FAT2: variants seen among roughly 807,000 people sequenced by gnomAD.
FAT2 encodes the protein protocadherin Fat 2.
Under a neutral mutation model 295.3 loss-of-function variants are expected in FAT2, and 150 were observed. The observed-to-expected ratio is 0.51, with a 90% confidence interval of 0.44 to 0.58. FAT2 has a LOEUF of 0.58. FAT2 is among the 20% of genes least tolerant of loss of function. The probability of loss-of-function intolerance (pLI) is 0.00; values close to 1 mark genes in which losing one functional copy is unlikely to be tolerated. For missense variants in FAT2, 4,868 were observed against 5,442.7 expected, an observed-to-expected ratio of 0.89 and a Z score of 3.32; for synonymous variants, 2,026 against 2,150.3, an observed-to-expected ratio of 0.94 and a Z score of 1.60.
rs369198826 is a variant in FAT2, at chr5:151,521,511, G to A, written c.11082C>T (p.Tyr3694=). The change falls in exon 19 of 24, where the codon TAC becomes TAT. Residue 3694 remains tyrosine (Y), a synonymous_variant. Coordinates refer to ENST00000261800, the MANE Select transcript of FAT2 (RefSeq NM_001447.3). ...TGATGGATGCTAGCTCCTGAAACTC[G>A]TAGAAGGTTCCAGAATGCCCCTCAA... ...LVFEGHSGTF[Y]EFQELASIIT... 20 of 1,614,080 alleles carry A rather than the reference G, an allele frequency of 1.2e-5. No individual in the cohort carries two copies. Among genetic ancestry groups the A allele is most frequent in the East Asian group, 8.9e-5 (4 of 44,890 alleles).
intron 3 of FAT2, among the ~76,000 whole-genome samples, chr5:151,562,481 G>C (rs1758060501): frequency 6.6e-6 from 1 of 152,150 alleles, no homozygotes; most frequent in East Asian, 1.9e-4. Context: ...GTGTCAATGA[G>C]GGACGCAGGC....
At chr5:151,549,239 C>A in intron 9 of FAT2, 56 bp downstream of exon 9, 1 of 1,540,542 alleles carries the variant, frequency 6.5e-7, no homozygotes, top group Non-Finnish European at 8.9e-7. Context: ...CTAGTGCTTT[C>A]CTTTATTTCT....
chr5:151,520,495 TAC>T (rs926835692), intron 19 of FAT2, among the ~76,000 whole-genome samples: 6 of 152,342 alleles, frequency 3.9e-5, no homozygotes, highest in African/African-American at 1.4e-4. Context: ...AGGTGACATC[TAC>T]ACAGAGTGTG....
Position 151,549,423 on chromosome 5 carries a change from C to T in FAT2, c.4661G>A (p.Arg1554His), listed in dbSNP as rs745892606. The T allele has an allele frequency of 2.5e-5, 41 of 1,613,994 alleles. No homozygotes were observed. The South Asian group carries it at 3.3e-4, about 13-fold the overall frequency. The change falls in exon 9 of 24, where the codon CGC (arginine) becomes CAC (histidine). Residue 1554 changes from arginine (R) to histidine (H), a missense_variant. This residue lies in a region of FAT2 where 3,297 missense variants were observed against 3,669.4 expected (regional missense o/e 0.90). Transcript: ENST00000261800. ...TGCCTCATAATGGAGCTGAGTGAAG[C>T]GGGGTGGGTGGAGGTTTCCATCCTC... The part of the protein sequence containing the change: ...HVEDGNLHPP[R>H]FTQLHYEASV...
intron 13 of FAT2, among the ~76,000 whole-genome samples, chr5:151,533,580 C>CA (rs1754909573): frequency 6.6e-6 from 1 of 152,136 alleles, no homozygotes; most frequent in South Asian, 2.1e-4. Flanking sequence ...CTGCTGGTGT[C>CA]AAACAGAGCA....
chr5:151,534,431 T>A lies in FAT2; in HGVS notation c.9405A>T (p.Val3135=). The part of the protein sequence containing the change: ...NTTVKTPVAV[V]FARDPDQGAN... Reference sequence around the variant, plus strand: ...CACCTTGGTCGGGATCCCGGGCAAATACTACAGCCACAGGGGTCTTCACTG... The same window carrying A: ...CACCTTGGTCGGGATCCCGGGCAAAAACTACAGCCACAGGGGTCTTCACTG... The change falls in exon 13 of 24, where the codon GTA becomes GTT. Residue 3135 remains valine, a synonymous_variant. Transcript: ENST00000261800. 3 of 1,609,092 alleles carry A rather than the reference T, an allele frequency of 1.9e-6. No individual in the cohort carries two copies. The highest frequency in any genetic ancestry group is 2.5e-6 in the Non-Finnish European group (3 of 1,176,522).
At chr5:151,562,195 C>T (rs943848615) in intron 3 of FAT2, among the ~76,000 whole-genome samples, 1 of 152,176 alleles carries the variant, frequency 6.6e-6, no homozygotes, top group Non-Finnish European at 1.5e-5. Context: ...GGAGTCCCAG[C>T]GTCATCCTCC....
chr5:151,565,976 C>T lies in FAT2; in HGVS notation c.2956G>A (p.Glu986Lys), dbSNP rs895510572. 1.2e-6 allele frequency: 2 copies of T among 1,614,100 alleles called. No homozygotes were observed. Among genetic ancestry groups the T allele is most frequent in the Non-Finnish European group, 1.7e-6 (2 of 1,180,030 alleles). The change falls in exon 2 of 24, where the codon GAG becomes AAG. Residue 986 changes from glutamate (E) to lysine (K), a missense_variant. By Grantham distance (56) the Glu-to-Lys change is moderately conservative. Around this residue, in one of 5 missense-constraint regions of FAT2, gnomAD observed 3,297 missense variants for 3,669.4 expected, o/e 0.90. Transcript: ENST00000261800. ...CCAGCTCGCCTCTCAAAGTCCAGCT[C>T]TCTCTCCAGAATGAGCGCCCCTGTC... ...LMTGALILER[E>K]LDFERRAGYN...
At chr5:151,508,952 A>T (rs901156607) in intron 22 of FAT2, among the ~76,000 whole-genome samples, 5 of 152,082 alleles carry the variant, frequency 3.3e-5, no homozygotes, top group African/African-American at 1.2e-4. Context: ...TATATTTTTC[A>T]TGTCTCTTTC....
chr5:151,509,190 A>G (rs373223363), intron 22 of FAT2, among the ~76,000 whole-genome samples: 4 of 152,320 alleles, frequency 2.6e-5, no homozygotes, highest in African/African-American at 9.6e-5. Context: ...TGAGAGAATA[A>G]GCACTTCAGC....
intron 18 of FAT2, 40 bp from the exon 19 acceptor site, chr5:151,522,126 G>A (rs1223788369): frequency 6.7e-7 from 1 of 1,485,048 alleles, no homozygotes; most frequent in Non-Finnish European, 9.1e-7. Flanking sequence ...CAACAGAACT[G>A]CAGTGCTCTT....
chr5:151,582,037 G>T lies in FAT2; in HGVS notation c.-21+9128C>A, dbSNP rs61563366. ...CCAGGCAGGCAGGCAGGTTGCTGCA[G>T]GTGGGAGCTGCGCTCTGGCAGTGGG... is the stretch of plus-strand genomic sequence containing the variant. On this transcript the variant is annotated intron_variant, in intron 1 of 23. Transcript: ENST00000261800. 1.8e-3 allele frequency among the ~76,000 whole-genome samples: 280 copies of T among 152,368 alleles called. 1 individual carries two copies. Among genetic ancestry groups the T allele is most frequent in the African/African-American group, 6.1e-3 (252 of 41,588 alleles).
chr5:151,558,248 G>A lies in FAT2; in HGVS notation c.3575-1846C>T, dbSNP rs191768679. ...AGTTGTATACATTTTACATAAAAAGGAATCTTAAGCAACTATTCAAAATAC... is the reference window on the plus strand; with the variant it reads ...AGTTGTATACATTTTACATAAAAAGAAATCTTAAGCAACTATTCAAAATAC... On this transcript the variant is annotated intron_variant, in intron 3 of 23. Coordinates refer to ENST00000261800, the MANE Select transcript of FAT2 (RefSeq NM_001447.3). Among the ~76,000 whole-genome samples, 4 of 152,238 alleles carry A rather than the reference G, an allele frequency of 2.6e-5. No individual in the cohort carries two copies. In the East Asian group the frequency reaches 7.7e-4, roughly 29 times the overall value.
chr5:151,517,779 C>T lies in FAT2; in HGVS notation c.11318-14G>A. 6.2e-7 allele frequency: 1 copy of T among 1,613,742 alleles called. No individual in the cohort carries two copies. Among genetic ancestry groups the T allele is most frequent in the Non-Finnish European group, 8.5e-7 (1 of 1,179,692 alleles). On this transcript the variant is annotated splice_polypyrimidine_tract_variant and intron_variant, in intron 19 of 23. Coordinates refer to ENST00000261800, the MANE Select transcript of FAT2 (RefSeq NM_001447.3). ...TTGTAGCAGTACCTGAGAAAGCAAC[C>T]AAAGCTGTCACCTCTACTTGAAGTG...
Position 151,565,985 on chromosome 5 carries a change from G to A in FAT2, c.2947C>T (p.Leu983=). 2 of 1,614,068 alleles carry A rather than the reference G, an allele frequency of 1.2e-6. No individual in the cohort carries two copies. The highest frequency in any genetic ancestry group is 1.7e-6 in the Non-Finnish European group (2 of 1,180,032). ...RVDLMTGALI[L]ERELDFERRA... Reference sequence around the variant, plus strand: ...CTCTCAAAGTCCAGCTCTCTCTCCAGAATGAGCGCCCCTGTCATCAGGTCC... The same window carrying A: ...CTCTCAAAGTCCAGCTCTCTCTCCAAAATGAGCGCCCCTGTCATCAGGTCC... The change falls in exon 2 of 24, where the codon CTG becomes TTG. Residue 983 remains leucine (L), a synonymous_variant. Coordinates refer to ENST00000261800, the MANE Select transcript of FAT2 (RefSeq NM_001447.3).
At position 151,553,196 on chromosome 5, in the gene FAT2, G is replaced by A. The variant is rs747294266; in HGVS notation, c.4137C>T (p.Leu1379=). The change falls in exon 6 of 24, where the codon CTC becomes CTT. Residue 1379 remains leucine, a synonymous_variant. Coordinates refer to ENST00000261800, the MANE Select transcript of FAT2 (RefSeq NM_001447.3). ...GVISVEGRPG[L]FWFNISGGDK... Reference sequence around the variant, plus strand: ...CCTCACCTGAGATGTTGAACCAGAAGAGTCCGGGTCTGCCCTCTACGCTGA... The same window carrying A: ...CCTCACCTGAGATGTTGAACCAGAAAAGTCCGGGTCTGCCCTCTACGCTGA... 9.3e-6 allele frequency: 15 copies of A among 1,614,266 alleles called. No homozygotes were observed. The highest frequency in any genetic ancestry group is 1.2e-5 in the Non-Finnish European group (14 of 1,180,048).
Position 151,542,843 on chromosome 5 carries a change from A to G in FAT2, c.8284T>C (p.Leu2762=), listed in dbSNP as rs1387487368. The change falls in exon 10 of 24, where the codon TTG becomes CTG. Residue 2762 remains leucine (L), a synonymous_variant. Transcript: ENST00000261800. ...TGTGCCATCACATCAATCTGGTACA[A>G]TTTGGTGGATTCGTGGTCCATGGGC... ...RKPMDHESTK[L]YQIDVMAHCL... 2 of 1,614,026 alleles carry G rather than the reference A, an allele frequency of 1.2e-6. No homozygotes were observed. Among genetic ancestry groups the G allele is most frequent in the Non-Finnish European group, 8.5e-7 (1 of 1,180,022 alleles).
At chr5:151,546,457 G>A in intron 9 of FAT2, 120 bp from the exon 10 acceptor site, 2 of 652,474 alleles carry the variant, frequency 3.1e-6, no homozygotes, top group Non-Finnish European at 5.3e-6. Context: ...TGCATATAGT[G>A]TATACCCACC....
intron 2 of FAT2, among the ~76,000 whole-genome samples, 169 bp downstream of exon 2, chr5:151,565,504 G>A (rs1758212241): frequency 6.6e-6 from 1 of 151,872 alleles, no homozygotes; most frequent in South Asian, 2.1e-4. Context: ...TATATTCCCA[G>A]TAAAAACAAA....
Sources: allele counts gnomAD v4.1 joint callset (sites outside exome capture counted in the v4.1 genomes callset), GRCh38; gene constraint gnomAD v4.1.1; regional missense constraint gnomAD v4.1.1; transcripts MANE v1.5; gene names NCBI Gene and HGNC (gene_info 2026-07-23, HGNC 2026-07-21).